Variants in NNT observed in about 807,000 individuals in gnomAD.
NNT encodes nicotinamide nucleotide transhydrogenase, also known as NAD(P) transhydrogenase, mitochondrial.
A neutral mutation model predicts 104.8 loss-of-function variants in NNT; 50 were observed. The observed-to-expected ratio is 0.48, with a 90% CI of 0.38 to 0.60. The LOEUF (loss-of-function observed/expected upper bound fraction) is 0.60, where lower values mean the gene tolerates loss of function less well. Among genes scored for constraint, NNT ranks in the 20% least tolerant of loss-of-function variants. The pLI, the probability that NNT is intolerant of heterozygous loss-of-function variation, is 0.00. For missense variants in NNT, 1,131 were observed against 1,330.7 expected, an observed-to-expected ratio of 0.85 and a Z score of 2.33; for synonymous variants, 461 against 490.4, an observed-to-expected ratio of 0.94 and a Z score of 0.79.
intron 1 of NNT, among the ~76,000 whole-genome samples, chr5:43,608,192 G>A (rs540059327): frequency 1.9e-3 from 286 of 152,306 alleles, no homozygotes; most frequent in Middle Eastern, 3.4e-3. Flanking sequence ...GCCTCCCAAA[G>A]TGCTGGGATT....
chr5:43,653,346 C>A, intron 14 of NNT, 133 bp downstream of exon 14: 1 of 810,804 alleles, frequency 1.2e-6, no homozygotes, highest in Non-Finnish European at 1.9e-6. Context: ...GGTGAAAATT[C>A]ATTCCAGTTG....
intron 14 of NNT, 40 bp from the exon 15 acceptor site, chr5:43,655,800 G>A (rs1210651972): frequency 6.8e-7 from 1 of 1,468,392 alleles, no homozygotes; most frequent in Middle Eastern, 1.7e-4. Flanking sequence ...CTTCTCAAAA[G>A]TTTGTCAAGT....
intron 19 of NNT, among the ~76,000 whole-genome samples, chr5:43,691,070 A>AGAGAGAGAGTGT (rs1245517310): frequency 1.0e-4 from 14 of 137,400 alleles, no homozygotes; most frequent in African/African-American, 3.6e-4. Flanking sequence ...TTTTTGAGAG[A>AGAGAGAGAGTGT]GTGTGTGTGT....
At chr5:43,652,332 TC>T (rs1384743603) in intron 13 of NNT, among the ~76,000 whole-genome samples, 2 of 152,114 alleles carry the variant, frequency 1.3e-5, no homozygotes, top group African/African-American at 2.4e-5. Flanking sequence ...CATAAAAAAA[TC>T]CATAAAGAAA....
At chr5:43,664,963 T>A (rs767864674) in intron 17 of NNT, among the ~76,000 whole-genome samples, 2 of 152,118 alleles carry the variant, frequency 1.3e-5, no homozygotes, top group African/African-American at 2.4e-5. Flanking sequence ...CTCCCTAAGA[T>A]GCCATCAGAA....
At position 43,655,899 on chromosome 5, in the gene NNT, CA is replaced by C. The variant is rs1364051503; in HGVS notation, c.2120del (p.His707ProfsTer3). 1.2e-6 allele frequency: 2 copies of C among 1,614,120 alleles called. No individual in the cohort carries two copies. Among genetic ancestry groups the C allele is most frequent in the Non-Finnish European group, 1.7e-6 (2 of 1,180,052 alleles). ...TTTACCTCAATTAGTTGCTGCTTTT[CA>C]CAGTTTAGTGGGTTTGGCAGCTGTA... The part of the protein sequence containing the change: ...SDLPQLVAAF[H>X]SLVGLAAVLT... On this transcript the variant is annotated frameshift_variant, in exon 15 of 22. Transcript: ENST00000344920. LOFTEE classifies it high-confidence loss of function.
chr5:43,639,721 A>G (rs1310663257), intron 7 of NNT, among the ~76,000 whole-genome samples: 1 of 152,166 alleles, frequency 6.6e-6, no homozygotes, highest in African/African-American at 2.4e-5. Flanking sequence ...TTTCTTGGCA[A>G]AAGTGTGGAA....
chr5:43,651,963 A>G (rs1176551040), intron 13 of NNT, 79 bp downstream of exon 13: 1 of 1,449,742 alleles, frequency 6.9e-7, no homozygotes, highest in African/African-American at 1.4e-5. Context: ...AGTTATCCTA[A>G]TTCAAAGTAT....
intron 19 of NNT, among the ~76,000 whole-genome samples, chr5:43,684,523 A>G (rs1185349662): frequency 6.6e-6 from 1 of 151,902 alleles, no homozygotes; most frequent in Non-Finnish European, 1.5e-5. Flanking sequence ...CTCATTCGTT[A>G]GTTTTTGTGG....
chr5:43,611,475 G>A (rs948939842), intron 2 of NNT, among the ~76,000 whole-genome samples: 2 of 152,184 alleles, frequency 1.3e-5, no homozygotes, highest in African/African-American at 4.8e-5. Flanking sequence ...TGTCAGCTAA[G>A]TGAACTTGAG....
At chr5:43,649,819 T>A (rs1739659114) in intron 11 of NNT, among the ~76,000 whole-genome samples, 1 of 152,198 alleles carries the variant, frequency 6.6e-6, no homozygotes, top group Admixed American at 6.5e-5. Flanking sequence ...TTTCAGCAGT[T>A]CATGCAGCAG....
chr5:43,625,095 T>C (rs1053198359), intron 6 of NNT, among the ~76,000 whole-genome samples: 4 of 152,206 alleles, frequency 2.6e-5, no homozygotes, highest in African/African-American at 7.2e-5. Flanking sequence ...GAGTTAAGCA[T>C]GCCATTGATC....
intron 9 of NNT, 126 bp downstream of exon 9, chr5:43,644,928 T>G: frequency 1.5e-6 from 1 of 663,988 alleles, no homozygotes. Flanking sequence ...GCCAGCTTTA[T>G]GCTGATAAAA....
chr5:43,615,652 G>A (rs1749747160), intron 3 of NNT, among the ~76,000 whole-genome samples, 196 bp from the exon 4 acceptor site: 1 of 152,096 alleles, frequency 6.6e-6, no homozygotes, highest in Non-Finnish European at 1.5e-5. Flanking sequence ...CAGTCCACAG[G>A]TCATTAGGCA....
At chr5:43,679,736 G>T (rs917776934) in intron 19 of NNT, among the ~76,000 whole-genome samples, 1 of 152,124 alleles carries the variant, frequency 6.6e-6, no homozygotes, top group African/African-American at 2.4e-5. Context: ...AGGTTTAAGA[G>T]AAATATTTAA....
intron 17 of NNT, among the ~76,000 whole-genome samples, chr5:43,662,965 T>G (rs1163663954): frequency 4.0e-5 from 6 of 151,832 alleles, no homozygotes; most frequent in Non-Finnish European, 8.8e-5. Flanking sequence ...CAGAAAAGGA[T>G]AAATAAAAAA....
chr5:43,706,247 A>T lies in NNT; in HGVS notation c.*1843A>T, dbSNP rs1480702625. 1.3e-5 allele frequency: 2 copies of T among 151,644 alleles called. No individual in the cohort carries two copies. The highest frequency in any genetic ancestry group is 4.8e-5 in the African/African-American group (2 of 41,408). The allele number at this position is 151,644 out of a possible 1,614,324, so 9.4% of individuals were successfully genotyped here. A position where few individuals can be genotyped will look rare whatever the true frequency, so the allele number is the denominator to read the frequency against. On this transcript the variant is annotated 3_prime_UTR_variant, in exon 22 of 22. Coordinates refer to ENST00000344920, the MANE Select transcript of NNT (RefSeq NM_182977.3). ...TTTGTATATATAATTTCTTAAATTA[A>T]TATTCCAAAAGGTTAGTGGACTTAG...
intron 7 of NNT, among the ~76,000 whole-genome samples, chr5:43,633,982 C>T (rs993910702): frequency 3.3e-5 from 5 of 152,144 alleles, no homozygotes; most frequent in African/African-American, 1.2e-4. Context: ...TAGAAAGTGT[C>T]CTGTCAGAGA....
intron 16 of NNT, among the ~76,000 whole-genome samples, chr5:43,657,603 A>G (rs1446109856): frequency 2.0e-5 from 3 of 152,306 alleles, no homozygotes; most frequent in African/African-American, 7.2e-5. Context: ...AGAAACACCT[A>G]ATTTATAGTG....
Sources: allele counts gnomAD v4.1 joint callset (sites outside exome capture counted in the v4.1 genomes callset), GRCh38; gene constraint gnomAD v4.1.1; transcripts MANE v1.5; gene names NCBI Gene and HGNC (gene_info 2026-07-23, HGNC 2026-07-21).